PSKH1: variants seen among roughly 807,000 people sequenced by gnomAD.
PSKH1 encodes protein serine kinase H1.
A neutral mutation model predicts 26.7 loss-of-function variants in PSKH1; 12 were observed. That is an observed-to-expected ratio of 0.45 (90% CI 0.29 to 0.73). PSKH1 has a LOEUF of 0.73. Among genes scored for constraint, PSKH1 ranks in the 30% least tolerant of loss-of-function variants. PSKH1 has a pLI of 0.11. For missense variants in PSKH1, 431 were observed against 595.2 expected (o/e 0.72, Z 2.87); for synonymous variants, 213 against 234.3 (o/e 0.91, Z 0.83).
In PSKH1 at chr16:67,927,977, C is replaced by T; in HGVS notation, c.*335C>T. 3.0e-6 allele frequency: 1 copy of T among 330,590 alleles called. No individual in the cohort carries two copies. The highest frequency in any genetic ancestry group is 4.9e-5 in the South Asian group (1 of 20,398). 20.5% of individuals were successfully genotyped at this position (330,590 alleles called of 1,614,324 possible). On this transcript the variant is annotated 3_prime_UTR_variant, in exon 3 of 3. Transcript: ENST00000291041. The surrounding 1 kb of genome is among the most constrained non-coding windows in gnomAD (Gnocchi z 5.5). ...CTGTCTCCCTTGCCCTTTGACTTTT[C>T]CCCAATCAAAGGGAACTGCAGTGCT...
At chr16:67,900,215 G>A (rs2058137843) in intron 1 of PSKH1, among the ~76,000 whole-genome samples, 1 of 152,080 alleles carries the variant, frequency 6.6e-6, no homozygotes, top group Admixed American at 6.6e-5. Context: ...ACCTGCCTTG[G>A]CCTCCCAAAA....
chr16:67,909,401 G>A lies in PSKH1; in HGVS notation c.652G>A (p.Asp218Asn), dbSNP rs1055067510. Residue 218 changes from aspartate (D) to asparagine (N), a missense_variant, in exon 2 of 3, where the codon GAC becomes AAC. Asp to Asn is a conservative substitution (Grantham distance 23, BLOSUM62 1). Coordinates refer to ENST00000291041, the MANE Select transcript of PSKH1 (RefSeq NM_006742.3). The surrounding 1 kb of genome is among the most constrained non-coding windows in gnomAD (Gnocchi z 7.8). ...YLHALGITHRDLKPENLLYYH... is the reference protein window; with the variant it reads ...YLHALGITHRNLKPENLLYYH... ...GCATGCACTGGGCATCACACACCGA[G>A]ACCTCAAACCTGAGAATCTGCTCTA... The A allele has an allele frequency of 1.9e-6, 3 of 1,613,562 alleles. No individual in the cohort carries two copies. Among genetic ancestry groups the A allele is most frequent in the Admixed American group, 1.7e-5 (1 of 59,994 alleles).
At position 67,909,457 on chromosome 16, in the gene PSKH1, C is replaced by T; in HGVS notation, c.708C>T (p.Ile236=). ...YYHPGTDSKI[I]ITDFGLASAR... is the part of the protein sequence containing the mutation. The stretch of plus-strand genomic sequence containing the variant: ...ATCCGGGCACTGACTCCAAGATCAT[C>T]ATCACCGACTTCGGCCTGGCCAGTG... Residue 236 remains isoleucine, a synonymous_variant, in exon 2 of 3, where the codon ATC becomes ATT. Coordinates refer to ENST00000291041, the MANE Select transcript of PSKH1 (RefSeq NM_006742.3). This position sits in a 1 kb window ranked among gnomAD's most constrained non-coding sequence, Gnocchi z 7.8. The T allele has an allele frequency of 1.9e-6, 3 of 1,613,610 alleles. No homozygotes were observed. Among genetic ancestry groups the T allele is most frequent in the Middle Eastern group, 1.6e-4 (1 of 6,062 alleles).
Position 67,909,795 on chromosome 16 carries a change from C to A in PSKH1, c.957+89C>A. The A allele has an allele frequency of 8.1e-7, 1 of 1,233,550 alleles. No homozygotes were observed. The highest frequency in any genetic ancestry group is 1.1e-6 in the Non-Finnish European group (1 of 879,128). 76.4% of individuals were successfully genotyped at this position (1,233,550 alleles called of 1,614,324 possible). On this transcript the variant is annotated intron_variant, in intron 2 of 2. Transcript: ENST00000291041. This position sits in a 1 kb window ranked among gnomAD's most constrained non-coding sequence, Gnocchi z 7.8. Reference sequence around the variant, plus strand: ...CAGCTCTCAGTCAGAGGTATGTCCTCAGGGCCATGCTCGTGAGGGCCAGGC... The same window carrying A: ...CAGCTCTCAGTCAGAGGTATGTCCTAAGGGCCATGCTCGTGAGGGCCAGGC...
intron 2 of PSKH1, among the ~76,000 whole-genome samples, chr16:67,922,482 G>T (rs187470285): frequency 9.7e-4 from 147 of 152,282 alleles, no homozygotes; most frequent in Non-Finnish European, 1.8e-3. Flanking sequence ...AAGCACTGTG[G>T]TGGGGCCACC....
chr16:67,903,313 C>T (rs2058146781), intron 1 of PSKH1, among the ~76,000 whole-genome samples: 1 of 152,036 alleles, frequency 6.6e-6, no homozygotes, highest in Non-Finnish European at 1.5e-5. Flanking sequence ...CCATGTCTGA[C>T]TCAATTTAAA....
intron 2 of PSKH1, among the ~76,000 whole-genome samples, chr16:67,924,206 T>C (rs1315509909): frequency 6.6e-6 from 1 of 152,146 alleles, no homozygotes; most frequent in Non-Finnish European, 1.5e-5. Context: ...TGCTCACAGC[T>C]CTTCAAAGAT....
intron 1 of PSKH1, among the ~76,000 whole-genome samples, chr16:67,902,120 C>T (rs1158333065): frequency 6.6e-6 from 1 of 151,882 alleles, no homozygotes; most frequent in Admixed American, 6.6e-5. Context: ...ATTAACCAAG[C>T]ATGGTGGCAC....
intron 1 of PSKH1, among the ~76,000 whole-genome samples, chr16:67,897,884 G>A (rs140677469): frequency 0.03 from 4,510 of 152,188 alleles, 94 homozygotes; most frequent in Middle Eastern, 0.16. Context: ...GTCTTGCTTT[G>A]TTGCCCAGGC....
chr16:67,908,786 C>T lies in PSKH1; in HGVS notation c.37C>T (p.Pro13Ser), dbSNP rs1273419897. Reference sequence around the variant, plus strand: ...GACAAGCAAGGTCCTTCCCGAGCCACCCAAGGATGTCCAGCTGGATCTGGT... The same window carrying T: ...GACAAGCAAGGTCCTTCCCGAGCCATCCAAGGATGTCCAGCTGGATCTGGT... ...CGTSKVLPEP[P>S]KDVQLDLVKK... Residue 13 changes from proline to serine, a missense_variant, in exon 2 of 3, where the codon CCC becomes TCC. By Grantham distance (74) the Pro-to-Ser change is moderately conservative (BLOSUM62 -1). Coordinates refer to ENST00000291041, the MANE Select transcript of PSKH1 (RefSeq NM_006742.3). The T allele has an allele frequency of 6.2e-7, 1 of 1,606,728 alleles. No homozygotes were observed. The highest frequency in any genetic ancestry group is 8.5e-7 in the Non-Finnish European group (1 of 1,175,334).
chr16:67,921,983 TTTAA>T (rs2058203897), intron 2 of PSKH1, among the ~76,000 whole-genome samples: 1 of 152,150 alleles, frequency 6.6e-6, no homozygotes, highest in Admixed American at 6.6e-5. Context: ...CTTTTTTTTT[TTTAA>T]TTCTCTACTT....
intron 2 of PSKH1, among the ~76,000 whole-genome samples, chr16:67,917,949 GAC>G (rs879300117): frequency 6.6e-6 from 1 of 152,216 alleles, no homozygotes; most frequent in African/African-American, 2.4e-5. Flanking sequence ...GTGGTGGGGA[GAC>G]ACAGGTTGGG....
Position 67,926,227 on chromosome 16 carries a change from C to T in PSKH1, c.958-1098C>T, listed in dbSNP as rs114879162. ...GAAGTGTTCCTAGGAGATGCAGGGA[C>T]GCAAGGACTCACCTGGCTGAGCCCC... On this transcript the variant is annotated intron_variant, in intron 2 of 2. Transcript: ENST00000291041. Among the ~76,000 whole-genome samples the T allele has an allele frequency of 6.4e-4, 98 of 152,244 alleles. 1 individual carries two copies. The East Asian group carries it at 0.013, about 21-fold the overall frequency.
At chr16:67,899,782 G>C (rs2151310301) in intron 1 of PSKH1, among the ~76,000 whole-genome samples, 1 of 151,766 alleles carries the variant, frequency 6.6e-6, no homozygotes, top group Admixed American at 6.6e-5. Flanking sequence ...CAAGTAGCTG[G>C]GATTCCAGGT....
At position 67,908,236 on chromosome 16, in the gene PSKH1, C is replaced by T. The variant is rs564548836; in HGVS notation, c.-70-444C>T. Among the ~76,000 whole-genome samples the T allele has an allele frequency of 1.6e-4, 24 of 152,184 alleles. No individual in the cohort carries two copies. In the South Asian group the frequency reaches 3.1e-3, roughly 20 times the overall value. On this transcript the variant is annotated intron_variant, in intron 1 of 2. Transcript: ENST00000291041. Reference sequence around the variant, plus strand: ...CTCTTGAACAGCAAAGCCATACTCCCGACCAGGGAAATAAATGAGAGCCAG... The same window carrying T: ...CTCTTGAACAGCAAAGCCATACTCCTGACCAGGGAAATAAATGAGAGCCAG...
chr16:67,902,370 G>A (rs2058144441), intron 1 of PSKH1, among the ~76,000 whole-genome samples: 3 of 151,850 alleles, frequency 2.0e-5, no homozygotes, highest in African/African-American at 4.8e-5. Flanking sequence ...GTGCGATCTC[G>A]GCTCACTGCA....
Position 67,927,683 on chromosome 16 carries a change from CCA to C in PSKH1, c.*47_*48del, listed in dbSNP as rs746988534. The stretch of plus-strand genomic sequence containing the variant: ...ACACATGCAGCACGACCCAGCCTGG[CCA>C]CACACTGTGGTGCCATCTGGGTCCG... On this transcript the variant is annotated 3_prime_UTR_variant, in exon 3 of 3. Coordinates refer to ENST00000291041, the MANE Select transcript of PSKH1 (RefSeq NM_006742.3). This position sits in a 1 kb window ranked among gnomAD's most constrained non-coding sequence, Gnocchi z 5.5. 6.1e-5 allele frequency: 95 copies of C among 1,556,804 alleles called. No homozygotes were observed. The highest frequency in any genetic ancestry group is 5.4e-4 in the Middle Eastern group (3 of 5,522).
At position 67,909,537 on chromosome 16, in the gene PSKH1, A is replaced by C. The variant is rs1348475152; in HGVS notation, c.788A>C (p.Tyr263Ser). 1.9e-6 allele frequency: 3 copies of C among 1,613,790 alleles called. No individual in the cohort carries two copies. The highest frequency in any genetic ancestry group is 1.3e-5 in the African/African-American group (1 of 74,938). Residue 263 changes from tyrosine to serine, a missense_variant, in exon 2 of 3, where the codon TAC (tyrosine) becomes TCC (serine). Tyr to Ser is a moderately radical substitution (Grantham distance 144, BLOSUM62 -2). Transcript: ENST00000291041. This position sits in a 1 kb window ranked among gnomAD's most constrained non-coding sequence, Gnocchi z 7.8. ...AAGACCACCTGTGGCACGCCTGAGT[A>C]CATTGCCCCAGAAGTCCTGGTCCGC... is the stretch of plus-strand genomic sequence containing the variant. Reference protein sequence around the residue: ...LMKTTCGTPEYIAPEVLVRKP... With the variant: ...LMKTTCGTPESIAPEVLVRKP...
chr16:67,927,700 A>C lies in PSKH1; in HGVS notation c.*58A>C. Reference sequence around the variant, plus strand: ...CAGCCTGGCCACACACTGTGGTGCCATCTGGGTCCGATGCCCTCTCTGGAG... The same window carrying C: ...CAGCCTGGCCACACACTGTGGTGCCCTCTGGGTCCGATGCCCTCTCTGGAG... On this transcript the variant is annotated 3_prime_UTR_variant, in exon 3 of 3. Transcript: ENST00000291041. The surrounding 1 kb of genome is among the most constrained non-coding windows in gnomAD (Gnocchi z 5.5). 6.6e-7 allele frequency: 1 copy of C among 1,523,086 alleles called. No individual in the cohort carries two copies. The highest frequency in any genetic ancestry group is 1.2e-5 in the South Asian group (1 of 81,050). The allele number at this position is 1,523,086 out of a possible 1,614,324, so 94.3% of individuals were successfully genotyped here.
Sources: allele counts gnomAD v4.1 joint callset (sites outside exome capture counted in the v4.1 genomes callset), GRCh38; gene constraint gnomAD v4.1.1; non-coding constraint Gnocchi (gnomAD v3.1); transcripts MANE v1.5; gene names NCBI Gene and HGNC (gene_info 2026-07-23, HGNC 2026-07-21).